STRN3: variants seen among roughly 807,000 people sequenced by gnomAD.
STRN3 encodes striatin-3.
A neutral mutation model predicts 95.6 loss-of-function variants in STRN3; 29 were observed. The observed-to-expected ratio is 0.30, with a 90% CI of 0.23 to 0.41. The LOEUF (loss-of-function observed/expected upper bound fraction) is 0.41. Ranked by LOEUF, STRN3 falls within the 10% of genes least tolerant of loss-of-function variation. The pLI is 1.00. For synonymous variants in STRN3, 331 were observed against 357.6 expected (o/e 0.93, Z 0.84); for missense variants, 890 against 972.1 (o/e 0.92, Z 1.12).
intron 1 of STRN3, among the ~76,000 whole-genome samples, chr14:30,984,795 A>G (rs2139239084): frequency 6.6e-6 from 1 of 152,218 alleles, no homozygotes; most frequent in South Asian, 2.1e-4. Context: ...AAATTTAAAT[A>G]AAAAATAAAA....
At chr14:30,958,342 A>C (rs557808289) in intron 1 of STRN3, among the ~76,000 whole-genome samples, 14 of 152,322 alleles carry the variant, frequency 9.2e-5, no homozygotes, top group African/African-American at 3.4e-4. Context: ...ACAAATAAGC[A>C]GCTACATGAC....
At chr14:30,997,024 C>A (rs1042642915) in intron 1 of STRN3, among the ~76,000 whole-genome samples, 3 of 151,604 alleles carry the variant, frequency 2.0e-5, no homozygotes, top group Non-Finnish European at 4.4e-5. Context: ...AAAAAAAAAA[C>A]CTAAATGTGA....
intron 1 of STRN3, among the ~76,000 whole-genome samples, chr14:30,996,234 G>A (rs1160234138): frequency 2.6e-5 from 4 of 152,178 alleles, no homozygotes; most frequent in Admixed American, 2.0e-4. Context: ...ATAAAGCACT[G>A]GAGTTGGGTC....
At chr14:30,964,837 T>C (rs757575169) in intron 1 of STRN3, among the ~76,000 whole-genome samples, 1 of 151,912 alleles carries the variant, frequency 6.6e-6, no homozygotes, top group African/African-American at 2.4e-5. Flanking sequence ...GGAGAATCAC[T>C]TGAACTCGGA....
intron 1 of STRN3, among the ~76,000 whole-genome samples, chr14:30,961,161 T>C (rs12884687): frequency 0.63 from 96,529 of 152,048 alleles, 31,659 homozygotes; most frequent in Non-Finnish European, 0.73. Context: ...TGTTTTTGCA[T>C]AGCCCTAAAA....
intron 8 of STRN3, among the ~76,000 whole-genome samples, chr14:30,920,899 T>C (rs1329963149): frequency 6.6e-6 from 1 of 152,144 alleles, no homozygotes; most frequent in Non-Finnish European, 1.5e-5. Flanking sequence ...CTGATCCTAT[T>C]TTTTCTACCC....
At chr14:30,902,690 A>G in intron 15 of STRN3, 47 bp from the exon 16 acceptor site, 1 of 1,257,114 alleles carries the variant, frequency 8.0e-7, no homozygotes, top group Non-Finnish European at 1.1e-6. Flanking sequence ...ACCTTTAATA[A>G]GAAGTTGGAT....
chr14:30,967,817 C>G (rs1368820057), intron 1 of STRN3, among the ~76,000 whole-genome samples: 1 of 152,104 alleles, frequency 6.6e-6, no homozygotes, highest in Non-Finnish European at 1.5e-5. Context: ...TTCCCTTAAC[C>G]CAGAAGGTTT....
At chr14:30,974,950 T>C (rs1002528568) in intron 1 of STRN3, among the ~76,000 whole-genome samples, 2 of 151,512 alleles carry the variant, frequency 1.3e-5, no homozygotes, top group African/African-American at 4.9e-5. Context: ...AAACTCAGTA[T>C]CTGCAAATGC....
At chr14:31,002,794 T>C (rs534641434) in intron 1 of STRN3, among the ~76,000 whole-genome samples, 1 of 151,964 alleles carries the variant, frequency 6.6e-6, no homozygotes, top group African/African-American at 2.4e-5. Flanking sequence ...GTCAAAATAA[T>C]AGAGACAGAA....
chr14:30,975,836 T>TAAA lies in STRN3; in HGVS notation c.283-19597_283-19595dup, dbSNP rs528570710. 2.8e-3 allele frequency among the ~76,000 whole-genome samples: 318 copies of TAAA among 113,088 alleles called. 4 individuals are homozygous for TAAA. Among genetic ancestry groups the TAAA allele is most frequent in the African/African-American group, 9.6e-3 (280 of 29,024 alleles). The allele number at this position is 113,088 out of a possible 152,430, so 74.2% of individuals were successfully genotyped here. A position where few individuals can be genotyped will look rare whatever the true frequency, so the allele number is the denominator to read the frequency against. ...GTGACAGAGACAGACCCTGGCTCTTTAAAAAAAAAAAAAAAAAAAAAAAGT... is the reference window on the plus strand; with the variant it reads ...GTGACAGAGACAGACCCTGGCTCTTTAAAAAAAAAAAAAAAAAAAAAAAAAAGT... On this transcript the variant is annotated intron_variant, in intron 1 of 17. Transcript: ENST00000357479.
intron 1 of STRN3, among the ~76,000 whole-genome samples, chr14:30,962,034 T>C (rs1880233242): frequency 6.6e-6 from 1 of 152,236 alleles, no homozygotes; most frequent in African/African-American, 2.4e-5. Context: ...CAGTTCCATG[T>C]GTGTTACTGC....
Position 30,955,687 on chromosome 14 carries a change from T to C in STRN3, c.393A>G (p.Lys131=). 1 of 1,586,286 alleles carries C rather than the reference T, an allele frequency of 6.3e-7. No individual in the cohort carries two copies. Among genetic ancestry groups the C allele is most frequent in the Non-Finnish European group, 8.5e-7 (1 of 1,172,110 alleles). Residue 131 remains lysine, a synonymous_variant, in exon 3 of 18, where the codon AAA becomes AAG. Coordinates refer to ENST00000357479, the MANE Select transcript of STRN3 (RefSeq NM_001083893.2). ...CCGTGCCATATTTTAATTTGTGATA[T>C]TTTGCCCTGAAAATTTAATCACAAA... is the stretch of plus-strand genomic sequence containing the variant. ...LEYALKQERA[K]YHKLKYGTEL...
At chr14:31,002,537 G>C (rs1202209070) in intron 1 of STRN3, among the ~76,000 whole-genome samples, 1 of 150,724 alleles carries the variant, frequency 6.6e-6, no homozygotes, top group Non-Finnish European at 1.5e-5. Context: ...CAGCTACTCA[G>C]GAGGCTGAGG....
chr14:31,003,216 C>T (rs1882550826), intron 1 of STRN3, among the ~76,000 whole-genome samples: 1 of 149,040 alleles, frequency 6.7e-6, no homozygotes, highest in Non-Finnish European at 1.5e-5. Context: ...GAGCCAAGAC[C>T]ACGCCACTGC....
chr14:30,951,176 G>A (rs1183879716), intron 3 of STRN3, among the ~76,000 whole-genome samples: 1 of 152,142 alleles, frequency 6.6e-6, no homozygotes, highest in Non-Finnish European at 1.5e-5. Context: ...GAAAACCCAA[G>A]TGTACTTTAT....
intron 13 of STRN3, among the ~76,000 whole-genome samples, chr14:30,908,560 TATAAAAA>T (rs1359111374): frequency 1.3e-5 from 2 of 152,340 alleles, no homozygotes; most frequent in East Asian, 3.9e-4. Flanking sequence ...GCTAGTCACT[TATAAAAA>T]GGAAACTTTA....
chr14:30,968,891 T>C (rs1880683817), intron 1 of STRN3, among the ~76,000 whole-genome samples: 1 of 152,088 alleles, frequency 6.6e-6, no homozygotes, highest in South Asian at 2.1e-4. Flanking sequence ...ATACTTCTGG[T>C]AAAAAGACTA....
chr14:30,902,929 C>A (rs1896364048), intron 15 of STRN3, among the ~76,000 whole-genome samples: 1 of 151,834 alleles, frequency 6.6e-6, no homozygotes, highest in Non-Finnish European at 1.5e-5. Context: ...TTAAAAGATC[C>A]ACAATTATTA....
Sources: gnomAD v4.1 joint callset for allele counts (sites outside exome capture counted in the v4.1 genomes callset) on GRCh38, gnomAD v4.1.1 for gene constraint, MANE v1.5 for transcripts, NCBI Gene and HGNC (gene_info 2026-07-23, HGNC 2026-07-21) for gene names.